Variants in ADCY6 observed in about 807,000 individuals in gnomAD.
ADCY6 encodes the protein adenylate cyclase type 6.
Under a neutral mutation model 111.6 loss-of-function variants are expected in ADCY6, and 59 were observed. That is an observed-to-expected ratio of 0.53 (90% CI 0.43 to 0.66). The LOEUF is 0.66. Ranked by LOEUF, ADCY6 falls within the 30% of genes least tolerant of loss-of-function variation. The probability of loss-of-function intolerance (pLI) is 0.00; values close to 1 mark genes in which losing one functional copy is unlikely to be tolerated. For synonymous variants in ADCY6, 576 were observed against 642.9 expected, an observed-to-expected ratio of 0.90 and a Z score of 1.57; for missense variants, 1,242 against 1,595.6, an observed-to-expected ratio of 0.78 and a Z score of 3.78.
At position 48,768,204 on chromosome 12, in the gene ADCY6, G is replaced by A. The variant is rs1392768196; in HGVS notation, c.*387C>T. 3.6e-6 allele frequency: 1 copy of A among 278,206 alleles called. No individual in the cohort carries two copies. Among genetic ancestry groups the A allele is most frequent in the Non-Finnish European group, 6.9e-6 (1 of 144,470 alleles). The allele number at this position is 278,206 out of a possible 1,614,324, so 17.2% of individuals were successfully genotyped here. On this transcript the variant is annotated 3_prime_UTR_variant, in exon 22 of 22. Transcript: ENST00000357869. ...TATTCCCAGGAAAAAAGAGGGAAAA[G>A]AAGGGCTCAGCCCTGAACCTGCTGC...
In ADCY6 at chr12:48,767,214, T is replaced by C. The variant is rs1330756357; in HGVS notation, c.*1377A>G. 1 of 152,690 alleles carries C rather than the reference T, an allele frequency of 6.5e-6. No individual in the cohort carries two copies. Among genetic ancestry groups the C allele is most frequent in the East Asian group, 1.9e-4 (1 of 5,184 alleles). The allele number at this position is 152,690 out of a possible 1,614,324, so 9.5% of individuals were successfully genotyped here. On this transcript the variant is annotated 3_prime_UTR_variant, in exon 22 of 22. Coordinates refer to ENST00000357869, the MANE Select transcript of ADCY6 (RefSeq NM_015270.5). ...CTCTGTCCATCAAACCCCAGACAGT[T>C]CAAGTGCTGGCATGGAGCACTGGGG... is the stretch of plus-strand genomic sequence containing the variant.
At position 48,767,142 on chromosome 12, in the gene ADCY6, T is replaced by C. The variant is rs745874328; in HGVS notation, c.*1449A>G. The C allele has an allele frequency of 1.3e-5, 2 of 152,636 alleles. No homozygotes were observed. Among genetic ancestry groups the C allele is most frequent in the Non-Finnish European group, 2.9e-5 (2 of 68,098 alleles). 9.5% of individuals were successfully genotyped at this position (152,636 alleles called of 1,614,324 possible). ...TCCATGCTACCCCAGCCCCAAAGCA[T>C]ACCATGTCCCAGGACACTATCTGGG... On this transcript the variant is annotated 3_prime_UTR_variant, in exon 22 of 22. Transcript: ENST00000357869.
chr12:48,772,672 T>C (rs528989190), intron 16 of ADCY6, 129 bp from the exon 17 acceptor site: 2 of 1,043,052 alleles, frequency 1.9e-6, no homozygotes, highest in African/African-American at 3.2e-5. Flanking sequence ...CCAGGGCTTT[T>C]ACTTACATTA....
At chr12:48,775,869 G>A in intron 9 of ADCY6, 94 bp downstream of exon 9, 6 of 1,533,700 alleles carry the variant, frequency 3.9e-6, no homozygotes, top group Non-Finnish European at 5.3e-6. Flanking sequence ...AGCATACATG[G>A]AAATGGCAGT....
At chr12:48,788,664 G>T (rs775040731) in intron 1 of ADCY6, among the ~76,000 whole-genome samples, 16 of 152,048 alleles carry the variant, frequency 1.1e-4, no homozygotes, top group Non-Finnish European at 2.4e-4. Flanking sequence ...CTCGCCCCGT[G>T]GAGGGAGGCA....
Position 48,776,280 on chromosome 12 carries a change from C to T in ADCY6, c.1606G>A (p.Gly536Ser), listed in dbSNP as rs148346071. Residue 536 changes from glycine to serine, a missense_variant, in exon 8 of 22, where the codon GGC (glycine) becomes AGC (serine). Around this residue, in one of 4 missense-constraint regions of ADCY6, gnomAD observed 260 missense variants for 414.6 expected, o/e 0.63. Coordinates refer to ENST00000357869, the MANE Select transcript of ADCY6 (RefSeq NM_015270.5). The surrounding 1 kb of genome is among the most constrained non-coding windows in gnomAD (Gnocchi z 6.1). ...GDYEVEPGRG[G>S]ERNAYLKEQH... ...TCCTTGAGGTACGCGTTGCGCTCGC[C>T]ACCACGGCCTGGCTCCACCTCGTAG... 34 of 1,614,134 alleles carry T rather than the reference C, an allele frequency of 2.1e-5. No individual in the cohort carries two copies. The African/African-American group carries it at 4.3e-4, about 20-fold the overall frequency.
chr12:48,777,518 G>A lies in ADCY6; in HGVS notation c.1140C>T (p.Ile380=). 1.9e-5 allele frequency: 31 copies of A among 1,614,120 alleles called. No individual in the cohort carries two copies. Among genetic ancestry groups the A allele is most frequent in the Non-Finnish European group, 2.5e-5 (30 of 1,179,962 alleles). Residue 380 remains isoleucine (I), a synonymous_variant, in exon 5 of 22, where the codon ATC becomes ATT. Transcript: ENST00000357869. The surrounding 1 kb of genome is among the most constrained non-coding windows in gnomAD (Gnocchi z 4.9). ...TGAAGCCCTCAATGTCTGCAAACAG[G>A]ATGCTGTAGATGACAGCAGAGGATG... ...IYIQKHDNVS[I]LFADIEGFTS...
At position 48,777,482 on chromosome 12, in the gene ADCY6, T is replaced by C. The variant is rs1352903358; in HGVS notation, c.1176A>G (p.Ala392=). The change falls in exon 5 of 22, where the codon GCA becomes GCG. Residue 392 remains alanine, a synonymous_variant. Coordinates refer to ENST00000357869, the MANE Select transcript of ADCY6 (RefSeq NM_015270.5). This position sits in a 1 kb window ranked among gnomAD's most constrained non-coding sequence, Gnocchi z 4.9. ...FADIEGFTSL[A]SQCTAQELVM... ...CCAGCTCCTGCGCAGTGCACTGGGATGCCAGGCTGGTGAAGCCCTCAATGT... is the reference window on the plus strand; with the variant it reads ...CCAGCTCCTGCGCAGTGCACTGGGACGCCAGGCTGGTGAAGCCCTCAATGT... 3 of 1,614,076 alleles carry C rather than the reference T, an allele frequency of 1.9e-6. No homozygotes were observed. Among genetic ancestry groups the C allele is most frequent in the Non-Finnish European group, 2.5e-6 (3 of 1,180,024 alleles).
chr12:48,786,013 A>C (rs1941973030), intron 1 of ADCY6, among the ~76,000 whole-genome samples: 1 of 152,134 alleles, frequency 6.6e-6, no homozygotes, highest in Admixed American at 6.5e-5. Flanking sequence ...GATGAGGCTG[A>C]CAGCACTGTC....
rs1471725194 is a variant in ADCY6, at chr12:48,782,155, C to T, written c.864+416G>A. On this transcript the variant is annotated intron_variant, in intron 2 of 21. Coordinates refer to ENST00000357869, the MANE Select transcript of ADCY6 (RefSeq NM_015270.5). The surrounding 1 kb of genome is among the most constrained non-coding windows in gnomAD (Gnocchi z 4.3). The stretch of plus-strand genomic sequence containing the variant: ...CCAGCGCCTCAGTCTCTGGTGTCAA[C>T]TTGCCTGCTGAGATGCTAAGGCCTG... 2.0e-5 allele frequency among the ~76,000 whole-genome samples: 3 copies of T among 152,174 alleles called. No individual in the cohort carries two copies. Among genetic ancestry groups the T allele is most frequent in the Non-Finnish European group, 2.9e-5 (2 of 68,024 alleles).
Position 48,776,433 on chromosome 12 carries a change from C to T in ADCY6, c.1530G>A (p.Arg510=). Residue 510 remains arginine, a synonymous_variant, in exon 7 of 22, where the codon CGG becomes CGA. Coordinates refer to ENST00000357869, the MANE Select transcript of ADCY6 (RefSeq NM_015270.5). This position sits in a 1 kb window ranked among gnomAD's most constrained non-coding sequence, Gnocchi z 6.1. ...ACCTGGACCCCCCTACTCACCCAGC[C>T]CGGCCTCCTGCCTCCATGTGGTTGG... ...TLANHMEAGG[R]AGRIHITRAT... The T allele has an allele frequency of 4.3e-6, 7 of 1,612,664 alleles. No homozygotes were observed. The highest frequency in any genetic ancestry group is 5.9e-6 in the Non-Finnish European group (7 of 1,179,296).
intron 2 of ADCY6, chr12:48,778,508 A>T: frequency 2.0e-6 from 1 of 497,140 alleles, no homozygotes; most frequent in East Asian, 3.7e-5. Context: ...GAAGCAGAAG[A>T]CCAACTAGGG....
intron 14 of ADCY6, 37 bp downstream of exon 14, chr12:48,774,365 C>T: frequency 6.4e-7 from 1 of 1,567,110 alleles, no homozygotes; most frequent in South Asian, 1.1e-5. Flanking sequence ...GTGCTTGGCA[C>T]AGAGCAGAGG....
chr12:48,780,355 G>A (rs2137376463), intron 2 of ADCY6, among the ~76,000 whole-genome samples: 1 of 152,248 alleles, frequency 6.6e-6, no homozygotes, highest in Non-Finnish European at 1.5e-5. Context: ...GGTGGATCTG[G>A]GAAGGGGCTG....
intron 3 of ADCY6, 35 bp downstream of exon 3, chr12:48,778,073 T>A (rs368878642): frequency 6.3e-7 from 1 of 1,581,226 alleles, no homozygotes; most frequent in South Asian, 1.1e-5. Context: ...GGGGGTAAGG[T>A]GGGGGCAGGC....
intron 18 of ADCY6, 130 bp downstream of exon 18, chr12:48,772,165 A>C (rs1941566321): frequency 1.8e-5 from 26 of 1,435,552 alleles, no homozygotes; most frequent in Non-Finnish European, 2.4e-5. Flanking sequence ...ATGGGCACAG[A>C]GAAGGAATGG....
chr12:48,781,501 G>A (rs944622319), intron 2 of ADCY6, among the ~76,000 whole-genome samples: 1 of 152,158 alleles, frequency 6.6e-6, no homozygotes, highest in African/African-American at 2.4e-5. Context: ...AACAGGAGAT[G>A]GCAGATCCAC....
In ADCY6 at chr12:48,771,464, C is replaced by T; in HGVS notation, c.3051+246G>A. 1 of 631,664 alleles carries T rather than the reference C, an allele frequency of 1.6e-6. No homozygotes were observed. Among genetic ancestry groups the T allele is most frequent in the South Asian group, 1.8e-5 (1 of 55,978 alleles). The allele number at this position is 631,664 out of a possible 1,614,324, so 39.1% of individuals were successfully genotyped here. ...CATCCACCTGGTACCTATCCTATCC[C>T]CCTACAGATCAAGTCCTCCCCTGCT... On this transcript the variant is annotated intron_variant, in intron 19 of 21. Coordinates refer to ENST00000357869, the MANE Select transcript of ADCY6 (RefSeq NM_015270.5). The surrounding 1 kb of genome is among the most constrained non-coding windows in gnomAD (Gnocchi z 4.3).
intron 2 of ADCY6, among the ~76,000 whole-genome samples, chr12:48,781,157 C>T (rs1941833596): frequency 2.0e-5 from 3 of 150,682 alleles, no homozygotes; most frequent in Admixed American, 2.0e-4. Flanking sequence ...GAGATCGCGC[C>T]ACTGCACCAC....
Sources: gnomAD v4.1 joint callset for allele counts (sites outside exome capture counted in the v4.1 genomes callset) on GRCh38, gnomAD v4.1.1 for gene constraint, gnomAD v4.1.1 regional missense constraint, Gnocchi (gnomAD v3.1) non-coding constraint, MANE v1.5 for transcripts, NCBI Gene and HGNC (gene_info 2026-07-23, HGNC 2026-07-21) for gene names.